CCDC148: variants seen among roughly 807,000 people sequenced by gnomAD.
The protein encoded by CCDC148 is coiled-coil domain-containing protein 148.
CCDC148 carries 89 observed loss-of-function variants against 85.7 expected under a neutral mutation model. The observed-to-expected ratio is 1.04, with a 90% CI of 0.87 to 1.24. The LOEUF (loss-of-function observed/expected upper bound fraction) is 1.24, where lower values mean the gene tolerates loss of function less well. Among genes scored for constraint, CCDC148 ranks in the 50% most tolerant of loss-of-function variants. The pLI, the probability that CCDC148 is intolerant of heterozygous loss-of-function variation, is 0.00. For missense variants in CCDC148, 692 were observed against 671.7 expected (o/e 1.03, Z -0.33); for synonymous variants, 230 against 213.9 (o/e 1.08, Z -0.66).
intron 11 of CCDC148, among the ~76,000 whole-genome samples, chr2:158,193,705 G>A: frequency 6.6e-6 from 1 of 152,028 alleles, no homozygotes; most frequent in East Asian, 1.9e-4. Flanking sequence ...CATTATAAAT[G>A]CAAGAACATT....
Position 158,360,082 on chromosome 2 carries a change from C to T in CCDC148, c.26-1512G>A, listed in dbSNP as rs897437650. Among the ~76,000 whole-genome samples, 24 of 152,200 alleles carry T rather than the reference C, an allele frequency of 1.6e-4. 1 individual carries two copies. ...AGGGAAGTTCCAACTGGGCGGAGCC[C>T]TCTGAAGCTCAGCAAATCTGCTGTA... On this transcript the variant is annotated intron_variant, in intron 1 of 13. Transcript: ENST00000283233.
chr2:158,404,770 T>C (rs973946478), intron 1 of CCDC148, among the ~76,000 whole-genome samples: 8 of 152,278 alleles, frequency 5.3e-5, no homozygotes, highest in African/African-American at 1.9e-4. Context: ...CGCCAGAACA[T>C]TCCAGTCACT....
chr2:158,275,232 G>A (rs576139958), intron 9 of CCDC148, among the ~76,000 whole-genome samples: 32 of 152,128 alleles, frequency 2.1e-4, no homozygotes, highest in South Asian at 4.1e-4. Context: ...TGTAACTTCT[G>A]GCTAGCCAAT....
chr2:158,382,005 G>A (rs1472731486), intron 1 of CCDC148, among the ~76,000 whole-genome samples: 1 of 152,114 alleles, frequency 6.6e-6, no homozygotes, highest in Non-Finnish European at 1.5e-5. Context: ...ATTAAGTCAT[G>A]AGGGCTTCTT....
At chr2:158,449,979 T>C (rs927920475) in intron 1 of CCDC148, among the ~76,000 whole-genome samples, 2 of 143,526 alleles carry the variant, frequency 1.4e-5, no homozygotes, top group African/African-American at 5.0e-5. Context: ...CTGGCACATA[T>C]TGTCATCTTC....
intron 1 of CCDC148, among the ~76,000 whole-genome samples, chr2:158,442,768 T>C (rs1687990224): frequency 6.6e-6 from 1 of 152,238 alleles, no homozygotes; most frequent in Non-Finnish European, 1.5e-5. Flanking sequence ...TAGCAATTAC[T>C]ATGTGCCAGA....
At chr2:158,393,207 T>C (rs1486337880) in intron 1 of CCDC148, 1 of 152,100 alleles carries the variant, frequency 6.6e-6, no homozygotes, top group Non-Finnish European at 1.5e-5. Flanking sequence ...GATGTATACA[T>C]GAAACATTAG....
chr2:158,380,925 G>GGA (rs1684844362), intron 1 of CCDC148: 3 of 152,118 alleles, frequency 2.0e-5, no homozygotes, highest in Non-Finnish European at 4.4e-5. Context: ...CATGGAAAAA[G>GGA]TGATTCTTGA....
intron 1 of CCDC148, among the ~76,000 whole-genome samples, chr2:158,439,404 C>G (rs1049726157): frequency 2.0e-5 from 3 of 152,140 alleles, no homozygotes; most frequent in South Asian, 2.1e-4. Context: ...CATGTTCTCA[C>G]TCATATGTGG....
At chr2:158,182,786 C>T (rs1684966256) in intron 11 of CCDC148, among the ~76,000 whole-genome samples, 1 of 152,132 alleles carries the variant, frequency 6.6e-6, no homozygotes, top group South Asian at 2.1e-4. Flanking sequence ...GGTGCTTCTT[C>T]TACTCTGGAT....
chr2:158,332,756 C>A (rs1033036506), intron 7 of CCDC148, among the ~76,000 whole-genome samples: 1 of 151,992 alleles, frequency 6.6e-6, no homozygotes, highest in African/African-American at 2.4e-5. Flanking sequence ...CTGGTTTAGA[C>A]TTCAGAGGGT....
At chr2:158,359,699 G>T (rs371716605) in intron 1 of CCDC148, among the ~76,000 whole-genome samples, 1 of 152,184 alleles carries the variant, frequency 6.6e-6, no homozygotes, top group East Asian at 1.9e-4. Flanking sequence ...CAGACCAGGA[G>T]ATTTCCTCAA....
intron 12 of CCDC148, among the ~76,000 whole-genome samples, chr2:158,176,995 C>G (rs1423618291): frequency 6.6e-6 from 1 of 151,872 alleles, no homozygotes; most frequent in Non-Finnish European, 1.5e-5. Flanking sequence ...CATATTCAAC[C>G]AACTTGAAAG....
chr2:158,185,609 G>A (rs1685117141), intron 11 of CCDC148, among the ~76,000 whole-genome samples: 1 of 152,094 alleles, frequency 6.6e-6, no homozygotes, highest in South Asian at 2.1e-4. Context: ...CAATCTGGGA[G>A]TCCCATGTTG....
chr2:158,236,532 A>G (rs1403511986), intron 10 of CCDC148, among the ~76,000 whole-genome samples: 2 of 152,186 alleles, frequency 1.3e-5, no homozygotes, highest in Admixed American at 6.5e-5. Context: ...AGGATGTTGT[A>G]TTTCAAAACC....
intron 7 of CCDC148, among the ~76,000 whole-genome samples, chr2:158,331,792 G>T (rs558407603): frequency 1.3e-5 from 2 of 152,156 alleles, no homozygotes; most frequent in African/African-American, 4.8e-5. Flanking sequence ...ATCTTTGTTG[G>T]TTTAAAGTCT....
intron 1 of CCDC148, among the ~76,000 whole-genome samples, chr2:158,398,184 T>C (rs1685614840): frequency 6.6e-6 from 1 of 152,084 alleles, no homozygotes; most frequent in South Asian, 2.1e-4. Flanking sequence ...AATGGGAGAC[T>C]TTAACACCCC....
At chr2:158,289,435 C>T (rs1444556436) in intron 9 of CCDC148, among the ~76,000 whole-genome samples, 1 of 152,010 alleles carries the variant, frequency 6.6e-6, no homozygotes, top group South Asian at 2.1e-4. Flanking sequence ...CAAGCAATTT[C>T]ACAAAGAAAA....
chr2:158,281,667 G>A (rs1185923962), intron 9 of CCDC148, among the ~76,000 whole-genome samples: 1 of 152,172 alleles, frequency 6.6e-6, no homozygotes, highest in African/African-American at 2.4e-5. Context: ...TCCAGGACCA[G>A]ATGGATTCAC....
Sources: gnomAD v4.1 joint callset for allele counts (sites outside exome capture counted in the v4.1 genomes callset) on GRCh38, gnomAD v4.1.1 for gene constraint, MANE v1.5 for transcripts, NCBI Gene and HGNC (gene_info 2026-07-23, HGNC 2026-07-21) for gene names.